The following MLLT3 variants were observed in gnomAD, a reference collection of about 807,000 sequenced individuals.
MLLT3 encodes the protein MLLT3 super elongation complex subunit.
In MLLT3, 4 loss-of-function variants were observed where a neutral mutation model predicts 53.2. That is an observed-to-expected ratio of 0.08 (90% CI 0.04 to 0.17). The LOEUF (loss-of-function observed/expected upper bound fraction) is 0.17. MLLT3 is among the 10% of genes least tolerant of loss of function. MLLT3 has a pLI of 1.00. For missense variants in MLLT3, 569 were observed against 684.0 expected (o/e 0.83, Z 1.87); for synonymous variants, 283 against 230.6 (o/e 1.23, Z -2.06).
intron 5 of MLLT3, among the ~76,000 whole-genome samples, chr9:20,407,961 C>A (rs984387622): frequency 2.6e-5 from 4 of 151,980 alleles, no homozygotes; most frequent in East Asian, 1.9e-4. Context: ...CTAAAGATGA[C>A]AAATGGGATA....
At chr9:20,483,809 G>GCCATTCTCCTGACTCAGC (rs1259813244) in intron 2 of MLLT3, among the ~76,000 whole-genome samples, 4 of 138,758 alleles carry the variant, frequency 2.9e-5, no homozygotes, top group Admixed American at 8.2e-5. Flanking sequence ...CCGAGTTCAC[G>GCCATTCTCCTGACTCAGC]CCATTCTCCT....
intron 5 of MLLT3, 33 bp downstream of exon 5, chr9:20,413,687 AG>A: frequency 6.7e-7 from 1 of 1,495,894 alleles, no homozygotes; most frequent in Non-Finnish European, 9.0e-7. Context: ...TCTGAAAATA[AG>A]GGAAAGGAAG....
chr9:20,579,392 T>A (rs543155266), intron 2 of MLLT3, among the ~76,000 whole-genome samples: 18 of 151,030 alleles, frequency 1.2e-4, no homozygotes, highest in African/African-American at 3.6e-4. Flanking sequence ...GAAAAAAAAA[T>A]TAAGAAATGA....
intron 2 of MLLT3, among the ~76,000 whole-genome samples, chr9:20,489,144 T>C (rs1824883837): frequency 6.6e-6 from 1 of 152,160 alleles, no homozygotes; most frequent in South Asian, 2.1e-4. Context: ...TTGTTTCTCC[T>C]GGCTTAACAA....
intron 10 of MLLT3, among the ~76,000 whole-genome samples, chr9:20,352,753 G>A (rs1821062065): frequency 7.0e-6 from 1 of 142,186 alleles, no homozygotes; most frequent in African/African-American, 2.6e-5. Flanking sequence ...GGTAGATTAA[G>A]TACTAACGTC....
intron 5 of MLLT3, among the ~76,000 whole-genome samples, chr9:20,376,950 T>C (rs761656622): frequency 6.6e-6 from 1 of 152,218 alleles, no homozygotes; most frequent in Admixed American, 6.5e-5. Flanking sequence ...AAAGTTCACA[T>C]GTACAGAAGT....
intron 2 of MLLT3, among the ~76,000 whole-genome samples, chr9:20,489,986 T>C (rs754717875): frequency 6.6e-6 from 1 of 152,142 alleles, no homozygotes; most frequent in East Asian, 1.9e-4. Context: ...AATAAATACA[T>C]GGCAAACTGT....
intron 5 of MLLT3, among the ~76,000 whole-genome samples, chr9:20,404,666 A>G (rs1231299025): frequency 6.6e-6 from 1 of 152,134 alleles, no homozygotes; most frequent in African/African-American, 2.4e-5. Context: ...TACCACGCCC[A>G]GATAATTTTT....
intron 5 of MLLT3, among the ~76,000 whole-genome samples, chr9:20,397,217 A>G (rs781330947): frequency 1.3e-5 from 2 of 152,182 alleles, no homozygotes; most frequent in Non-Finnish European, 2.9e-5. Flanking sequence ...TATTTTTTCA[A>G]GGGATTCCCC....
chr9:20,406,691 G>A (rs558440903), intron 5 of MLLT3, among the ~76,000 whole-genome samples: 144 of 152,136 alleles, frequency 9.5e-4, no homozygotes, highest in African/African-American at 2.9e-3. Flanking sequence ...TTCTATGACC[G>A]TGAAAGGCAA....
intron 3 of MLLT3, among the ~76,000 whole-genome samples, chr9:20,450,733 T>C (rs1384828801): frequency 2.6e-5 from 4 of 152,226 alleles, no homozygotes; most frequent in Admixed American, 2.6e-4. Context: ...GAATTAGATG[T>C]CCCTCATGGC....
At chr9:20,545,061 A>T (rs1818749468) in intron 2 of MLLT3, among the ~76,000 whole-genome samples, 1 of 136,730 alleles carries the variant, frequency 7.3e-6, no homozygotes. Flanking sequence ...CGCCACTGCA[A>T]TCCAGCCTGG....
At chr9:20,582,775 C>T (rs891049684) in intron 2 of MLLT3, among the ~76,000 whole-genome samples, 1 of 152,136 alleles carries the variant, frequency 6.6e-6, no homozygotes, top group Non-Finnish European at 1.5e-5. Context: ...GAGAATAACA[C>T]AGGAAAGACC....
intron 2 of MLLT3, among the ~76,000 whole-genome samples, chr9:20,569,532 TA>T (rs1819473522): frequency 6.6e-6 from 1 of 152,174 alleles, no homozygotes; most frequent in Admixed American, 6.6e-5. Flanking sequence ...TCAGAGCTGT[TA>T]GAAAGACTAC....
chr9:20,516,389 C>T (rs564970335), intron 2 of MLLT3, among the ~76,000 whole-genome samples: 3 of 152,200 alleles, frequency 2.0e-5, no homozygotes, highest in Non-Finnish European at 2.9e-5. Flanking sequence ...TACAGTTAAT[C>T]ACAGAGCTAG....
intron 2 of MLLT3, among the ~76,000 whole-genome samples, chr9:20,544,713 T>G (rs1162986712): frequency 6.6e-6 from 1 of 152,202 alleles, no homozygotes; most frequent in Non-Finnish European, 1.5e-5. Flanking sequence ...ACCATAGGAT[T>G]CAGCAATCCC....
chr9:20,510,904 C>T (rs1825518834), intron 2 of MLLT3, among the ~76,000 whole-genome samples: 1 of 151,958 alleles, frequency 6.6e-6, no homozygotes, highest in South Asian at 2.1e-4. Context: ...CTTAAAAGAA[C>T]AAAAATTGGA....
intron 2 of MLLT3, among the ~76,000 whole-genome samples, chr9:20,538,448 T>C (rs1818540290): frequency 6.6e-6 from 1 of 152,162 alleles, no homozygotes; most frequent in African/African-American, 2.4e-5. Flanking sequence ...TATTAAACAA[T>C]CCCAACCTTC....
At chr9:20,419,473 T>C (rs1028392885) in intron 4 of MLLT3, among the ~76,000 whole-genome samples, 3 of 150,882 alleles carry the variant, frequency 2.0e-5, no homozygotes, top group Non-Finnish European at 3.0e-5. Flanking sequence ...AAAAAAATTT[T>C]CATAAACTAA....
Sources: allele counts gnomAD v4.1 joint callset (sites outside exome capture counted in the v4.1 genomes callset), GRCh38; gene constraint gnomAD v4.1.1; transcripts MANE v1.5; gene names NCBI Gene and HGNC (gene_info 2026-07-23, HGNC 2026-07-21).